The following RNF128 variants were observed in gnomAD, a reference collection of about 807,000 sequenced individuals.
RNF128 encodes the protein ring finger protein 128.
Under a neutral mutation model 26.2 loss-of-function variants are expected in RNF128, and 13 were observed. That is an observed-to-expected ratio of 0.50 (90% CI 0.32 to 0.79). RNF128 has a LOEUF of 0.79. RNF128 is among the 30% of genes least tolerant of loss of function. RNF128 has a pLI of 0.03. For synonymous variants in RNF128, 149 were observed against 142.5 expected (o/e 1.05, Z -0.32); for missense variants, 315 against 349.7 (o/e 0.90, Z 0.79).
intron 2 of RNF128, among the ~76,000 whole-genome samples, chrX:106,784,258 C>G (rs1403742614): frequency 9.0e-6 from 1 of 111,443 alleles, no homozygotes; most frequent in Admixed American, 9.5e-5. Context: ...GCTAGTTCAC[C>G]ATACATAGAG....
In RNF128 at chrX:106,773,045, A is replaced by G. The variant is rs1008004103; in HGVS notation, c.617A>G (p.Tyr206Cys). Residue 206 changes from tyrosine to cysteine, a missense_variant, in exon 2 of 7, where the codon TAT becomes TGT. Physicochemically the swap from Tyr to Cys is radical, Grantham distance 194. Coordinates refer to ENST00000255499, the MANE Select transcript of RNF128 (RefSeq NM_194463.2). Reference sequence around the variant, plus strand: ...AAACATGGCCCTTGGGTGAATCACTATTCAATTTTTTTCGTTTCTGTGTCC... The same window carrying G: ...AAACATGGCCCTTGGGTGAATCACTGTTCAATTTTTTTCGTTTCTGTGTCC... ...GKKHGPWVNHYSIFFVSVSFF... is the reference protein window; with the variant it reads ...GKKHGPWVNHCSIFFVSVSFF... The G allele has an allele frequency of 8.3e-7, 1 of 1,211,262 alleles. No individual in the cohort carries two copies. The highest frequency in any genetic ancestry group is 1.1e-6 in the Non-Finnish European group (1 of 895,375).
intron 1 of RNF128, among the ~76,000 whole-genome samples, chrX:106,701,646 C>T (rs1019221859): frequency 2.7e-5 from 3 of 111,183 alleles, no homozygotes; most frequent in African/African-American, 9.8e-5. Context: ...TTTATTAGTG[C>T]CCTGGATAAA....
intron 1 of RNF128, among the ~76,000 whole-genome samples, chrX:106,765,950 T>A (rs1930224711): frequency 1.0e-5 from 1 of 99,945 alleles, no homozygotes; most frequent in Non-Finnish European, 2.0e-5. Context: ...TTCCCACCTA[T>A]GAGTGAGAAC....
chrX:106,705,716 T>G (rs773452613), intron 1 of RNF128, among the ~76,000 whole-genome samples: 20 of 112,125 alleles, frequency 1.8e-4, no homozygotes, highest in Non-Finnish European at 3.0e-4. Flanking sequence ...AGCATCTAAA[T>G]GCTCAGTTAA....
intron 1 of RNF128, among the ~76,000 whole-genome samples, chrX:106,771,768 T>G (rs1930376022): frequency 1.8e-5 from 2 of 112,791 alleles, no homozygotes; most frequent in Admixed American, 1.9e-4. Flanking sequence ...CCCAGTGAGA[T>G]GAACCCAGTA....
chrX:106,760,378 A>G (rs1823700826), intron 1 of RNF128, among the ~76,000 whole-genome samples: 1 of 111,875 alleles, frequency 8.9e-6, no homozygotes, highest in South Asian at 3.7e-4. Context: ...CAGTTACATG[A>G]AAAAATATTC....
At chrX:106,784,061 C>T (rs1226567440) in intron 2 of RNF128, among the ~76,000 whole-genome samples, 4 of 111,681 alleles carry the variant, frequency 3.6e-5, no homozygotes, top group Non-Finnish European at 7.5e-5. Context: ...AAGTGTCATA[C>T]TTAGCCTCTA....
chrX:106,769,163 T>C (rs1930316049), intron 1 of RNF128, among the ~76,000 whole-genome samples: 1 of 112,073 alleles, frequency 8.9e-6, no homozygotes, highest in Non-Finnish European at 1.9e-5. Flanking sequence ...ATATGTGTTA[T>C]GTGGTGCTGA....
intron 4 of RNF128, among the ~76,000 whole-genome samples, chrX:106,788,817 AAT>A (rs1417122061): frequency 1.3e-5 from 1 of 74,401 alleles, no homozygotes; most frequent in Non-Finnish European, 2.3e-5. Context: ...TATATACTAT[AAT>A]ATATAATTAT....
intron 2 of RNF128, among the ~76,000 whole-genome samples, chrX:106,775,472 A>G (rs1195448708): frequency 2.7e-5 from 3 of 112,031 alleles, no homozygotes; most frequent in Admixed American, 9.5e-5. Flanking sequence ...TTTATAATAC[A>G]TCTTATGATA....
intron 1 of RNF128, among the ~76,000 whole-genome samples, chrX:106,721,449 C>A (rs993672275): frequency 1.6e-4 from 18 of 112,261 alleles, no homozygotes; most frequent in Admixed American, 2.8e-4. Flanking sequence ...AAATCTGCCA[C>A]AATGGTTCCC....
upstream of RNF128, among the ~76,000 whole-genome samples, chrX:106,722,679 C>T (rs1385350711): frequency 9.0e-6 from 1 of 111,493 alleles, no homozygotes; most frequent in Non-Finnish European, 1.9e-5. Flanking sequence ...TGGGGACTGA[C>T]TCACACTTAA....
intron 5 of RNF128, among the ~76,000 whole-genome samples, chrX:106,790,603 C>T (rs1346078878): frequency 1.8e-5 from 2 of 110,354 alleles, no homozygotes; most frequent in Non-Finnish European, 3.8e-5. Flanking sequence ...GTTAAATAAG[C>T]AGACATAATT....
chrX:106,790,404 A>G (rs961691615), intron 5 of RNF128, 122 bp downstream of exon 5: 2 of 416,985 alleles, frequency 4.8e-6, no homozygotes, highest in African/African-American at 5.0e-5. Flanking sequence ...ACCTAAAACC[A>G]GACATATTTA....
At chrX:106,704,241 C>A (rs1279229807) in intron 1 of RNF128, among the ~76,000 whole-genome samples, 1 of 109,506 alleles carries the variant, frequency 9.1e-6, no homozygotes, top group African/African-American at 3.3e-5. Flanking sequence ...CAAAACCATC[C>A]TAGCTAATAC....
chrX:106,764,257 G>A (rs986488796), intron 1 of RNF128, among the ~76,000 whole-genome samples: 4 of 110,015 alleles, frequency 3.6e-5, no homozygotes, highest in Non-Finnish European at 5.7e-5. Flanking sequence ...GAGCCACCAC[G>A]CCCGGCCTTG....
At chrX:106,788,031 A>G in intron 4 of RNF128, 31 bp downstream of exon 4, 4 of 895,397 alleles carry the variant, frequency 4.5e-6, no homozygotes, top group Non-Finnish European at 6.2e-6. Context: ...TATCTTCAAT[A>G]AAATAGCTGA....
chrX:106,730,150 G>C (rs768176561), intron 1 of RNF128, among the ~76,000 whole-genome samples: 1 of 112,092 alleles, frequency 8.9e-6, no homozygotes, highest in Non-Finnish European at 1.9e-5. Context: ...TAAAATTTTT[G>C]TTTAGGAGAA....
chrX:106,733,184 A>G lies in RNF128; in HGVS notation c.484+5787A>G, dbSNP rs188702979. Among the ~76,000 whole-genome samples, 260 of 111,304 alleles carry G rather than the reference A, an allele frequency of 2.3e-3. 3 individuals carry two copies. Among genetic ancestry groups the G allele is most frequent in the African/African-American group, 8.3e-3 (254 of 30,665 alleles). On this transcript the variant is annotated intron_variant, in intron 1 of 6. Coordinates refer to ENST00000255499, the MANE Select transcript of RNF128 (RefSeq NM_194463.2). ...TGCACTGGTTATATGCACACATTGA[A>G]CCATTTTATATAAGGAAATTGAGCA... is the stretch of plus-strand genomic sequence containing the variant.
Sources: gnomAD v4.1 joint callset for allele counts (sites outside exome capture counted in the v4.1 genomes callset) on GRCh38, gnomAD v4.1.1 for gene constraint, MANE v1.5 for transcripts, NCBI Gene and HGNC (gene_info 2026-07-23, HGNC 2026-07-21) for gene names.